Variants in CEP112 observed in about 807,000 individuals in gnomAD.
CEP112 encodes the protein centrosomal protein of 112 kDa.
CEP112 carries 127 observed loss-of-function variants against 153.0 expected under a neutral mutation model. That is an observed-to-expected ratio of 0.83 (90% CI 0.72 to 0.96). CEP112 has a LOEUF of 0.96. Among genes scored for constraint, CEP112 ranks in the 40% least tolerant of loss-of-function variants. The pLI, the probability that CEP112 is intolerant of heterozygous loss-of-function variation, is 0.00. For synonymous variants in CEP112, 358 were observed against 374.4 expected (o/e 0.96, Z 0.51); for missense variants, 1,089 against 1,101.2 (o/e 0.99, Z 0.16).
Position 65,635,823 on chromosome 17 carries a change from A to C in CEP112, c.*148T>G. 1.3e-6 allele frequency: 1 copy of C among 784,668 alleles called. No individual in the cohort carries two copies. The highest frequency in any genetic ancestry group is 2.1e-6 in the Non-Finnish European group (1 of 484,262). 48.6% of individuals were successfully genotyped at this position (784,668 alleles called of 1,614,324 possible). A position where few individuals can be genotyped will look rare whatever the true frequency, so the allele number is the denominator to read the frequency against. On this transcript the variant is annotated 3_prime_UTR_variant, in exon 27 of 27. Coordinates refer to ENST00000535342, the MANE Select transcript of CEP112 (RefSeq NM_001199165.4). Reference sequence around the variant, plus strand: ...ATAAAACCACCCCACTAGTGTATGAATGATGCATGTTTTTATGATCTTAAT... The same window carrying C: ...ATAAAACCACCCCACTAGTGTATGACTGATGCATGTTTTTATGATCTTAAT...
At chr17:65,889,861 C>T (rs943978480) in intron 20 of CEP112, among the ~76,000 whole-genome samples, 7 of 152,050 alleles carry the variant, frequency 4.6e-5, no homozygotes, top group Non-Finnish European at 5.9e-5. Context: ...TCATCTCTCG[C>T]GAGGGTGACT....
chr17:65,939,537 G>A (rs2061446921), intron 18 of CEP112, among the ~76,000 whole-genome samples: 1 of 152,122 alleles, frequency 6.6e-6, no homozygotes, highest in East Asian at 1.9e-4. Flanking sequence ...ATAGGCACAA[G>A]AGCTGATACA....
At chr17:65,714,342 C>A (rs571063266) in intron 23 of CEP112, among the ~76,000 whole-genome samples, 1 of 152,210 alleles carries the variant, frequency 6.6e-6, no homozygotes, top group South Asian at 2.1e-4. Context: ...GCTGTGATAA[C>A]CCAACTGATC....
At chr17:66,084,633 T>C (rs1169356757) in intron 8 of CEP112, among the ~76,000 whole-genome samples, 3 of 151,902 alleles carry the variant, frequency 2.0e-5, no homozygotes, top group Non-Finnish European at 2.9e-5. Flanking sequence ...CTCATGGAGA[T>C]AGAGAGTAGA....
rs1440524364 is a variant in CEP112 at position 66,191,004 on chromosome 17, C to A, written c.-9+993G>T. Among the ~76,000 whole-genome samples, 1 of 152,122 alleles carries A rather than the reference C, an allele frequency of 6.6e-6. No individual in the cohort carries two copies. Among genetic ancestry groups the A allele is most frequent in the Non-Finnish European group, 1.5e-5 (1 of 68,008 alleles). On this transcript the variant is annotated intron_variant, in intron 1 of 26. Coordinates refer to ENST00000535342, the MANE Select transcript of CEP112 (RefSeq NM_001199165.4). The surrounding 1 kb of genome is among the most constrained non-coding windows in gnomAD (Gnocchi z 4.2). ...CAAATTAAAAAGGATTAGAGGTGCA[C>A]GTTTTCTCTGGCTTACACGTGTGGA...
intron 12 of CEP112, among the ~76,000 whole-genome samples, chr17:66,030,337 G>A (rs1208227504): frequency 6.6e-6 from 1 of 152,152 alleles, no homozygotes; most frequent in Non-Finnish European, 1.5e-5. Context: ...CTATCCTCAG[G>A]AAGGTTTCAG....
At chr17:66,119,559 A>AGTC (rs2069474243) in intron 6 of CEP112, among the ~76,000 whole-genome samples, 1 of 152,206 alleles carries the variant, frequency 6.6e-6, no homozygotes, top group Non-Finnish European at 1.5e-5. Context: ...TTGATAATTG[A>AGTC]GTCCTTTTCA....
At chr17:66,033,696 T>C (rs369198543) in intron 12 of CEP112, among the ~76,000 whole-genome samples, 1 of 152,264 alleles carries the variant, frequency 6.6e-6, no homozygotes, top group Non-Finnish European at 1.5e-5. Flanking sequence ...TAAGCAGATC[T>C]CTACTGCCTA....
chr17:65,993,392 C>A (rs2063666821), intron 17 of CEP112, among the ~76,000 whole-genome samples: 1 of 152,112 alleles, frequency 6.6e-6, no homozygotes, highest in Non-Finnish European at 1.5e-5. Context: ...AATGGTGCTG[C>A]AATGAACATA....
At position 65,872,747 on chromosome 17, in the gene CEP112, T is replaced by C. The variant is rs185237534; in HGVS notation, c.2164-20713A>G. 2.2e-3 allele frequency among the ~76,000 whole-genome samples: 340 copies of C among 152,350 alleles called. 2 individuals carry two copies. The highest frequency in any genetic ancestry group is 0.014 in the Middle Eastern group (4 of 294). ...ATTTTAAAATAGCTTTGTGAATTAA[T>C]TTTTTCACTGAAAACTAATAAACAT... is the stretch of plus-strand genomic sequence containing the variant. On this transcript the variant is annotated intron_variant, in intron 20 of 26. Transcript: ENST00000535342.
At position 66,192,027 on chromosome 17, in the gene CEP112, G is replaced by A. The variant is rs758552376; in HGVS notation, c.-39C>T. 1.4e-3 allele frequency: 218 copies of A among 154,118 alleles called. No individual in the cohort carries two copies. The highest frequency in any genetic ancestry group is 2.5e-3 in the Non-Finnish European group (176 of 69,158). 9.5% of individuals were successfully genotyped at this position (154,118 alleles called of 1,614,324 possible). ...ACCACCACACGCAAGCTTTCCGCTC[G>A]GCCGCTGCCGCCAACGCCGCCGCCA... On this transcript the variant is annotated 5_prime_UTR_variant, in exon 1 of 27. Transcript: ENST00000535342.
chr17:65,640,330 T>G (rs915861811), intron 25 of CEP112, among the ~76,000 whole-genome samples: 10 of 151,694 alleles, frequency 6.6e-5, no homozygotes, highest in Non-Finnish European at 1.3e-4. Context: ...ATTTTTGTAT[T>G]TTTAGTAGAG....
chr17:65,650,975 G>A (rs1252329319), intron 24 of CEP112, among the ~76,000 whole-genome samples: 1 of 151,776 alleles, frequency 6.6e-6, no homozygotes, highest in Non-Finnish European at 1.5e-5. Flanking sequence ...GGAACAGGTG[G>A]TATTTGGTTA....
intron 23 of CEP112, among the ~76,000 whole-genome samples, chr17:65,710,973 T>C (rs1325689191): frequency 6.6e-6 from 1 of 152,232 alleles, no homozygotes; most frequent in Non-Finnish European, 1.5e-5. Flanking sequence ...CAGGTTCATG[T>C]AATGACAGTC....
intron 10 of CEP112, among the ~76,000 whole-genome samples, chr17:66,065,231 C>A (rs909150124): frequency 1.3e-5 from 2 of 152,186 alleles, no homozygotes; most frequent in Non-Finnish European, 2.9e-5. Flanking sequence ...AGCACAGAAG[C>A]AGAACATCTC....
At chr17:65,730,184 A>G (rs534591778) in intron 23 of CEP112, among the ~76,000 whole-genome samples, 11 of 152,226 alleles carry the variant, frequency 7.2e-5, no homozygotes, top group South Asian at 2.1e-4. Context: ...TGAACAAAGA[A>G]TCTTATTTGA....
At chr17:66,103,775 C>A (rs2068663824) in intron 6 of CEP112, among the ~76,000 whole-genome samples, 1 of 152,108 alleles carries the variant, frequency 6.6e-6, no homozygotes, top group Admixed American at 6.6e-5. Flanking sequence ...TTCTCCTATC[C>A]CCCAGCAGTG....
chr17:65,843,157 C>A (rs1414211971), intron 21 of CEP112, among the ~76,000 whole-genome samples: 2 of 152,142 alleles, frequency 1.3e-5, no homozygotes, highest in Non-Finnish European at 2.9e-5. Flanking sequence ...TAAATGAACA[C>A]CAATTCATCG....
chr17:65,734,594 G>A (rs557449549), intron 23 of CEP112, among the ~76,000 whole-genome samples: 2 of 152,054 alleles, frequency 1.3e-5, no homozygotes, highest in South Asian at 4.1e-4. Context: ...AAATTAGTGA[G>A]ACAACTAGCT....
Sources: gnomAD v4.1 joint callset for allele counts (sites outside exome capture counted in the v4.1 genomes callset) on GRCh38, gnomAD v4.1.1 for gene constraint, Gnocchi (gnomAD v3.1) non-coding constraint, MANE v1.5 for transcripts, NCBI Gene and HGNC (gene_info 2026-07-23, HGNC 2026-07-21) for gene names.